Variants in CORO2B observed in about 807,000 individuals in gnomAD.
The protein encoded by CORO2B is coronin-2B.
A neutral mutation model predicts 58.8 loss-of-function variants in CORO2B; 26 were observed. The observed-to-expected ratio is 0.44, with a 90% CI of 0.32 to 0.61. CORO2B has a LOEUF of 0.61. Ranked by LOEUF, CORO2B falls within the 20% of genes least tolerant of loss-of-function variation. CORO2B has a pLI of 0.04. For missense variants in CORO2B, 460 were observed against 645.1 expected (o/e 0.71, Z 3.11); for synonymous variants, 242 against 253.8 (o/e 0.95, Z 0.44).
chr15:68,625,137 C>T (rs932319704), intron 1 of CORO2B, among the ~76,000 whole-genome samples: 4 of 152,222 alleles, frequency 2.6e-5, no homozygotes, highest in South Asian at 4.2e-4. Context: ...CCGAGCATGC[C>T]GCTGTATGCT....
At chr15:68,593,339 G>C (rs1316001776) in intron 1 of CORO2B, among the ~76,000 whole-genome samples, 1 of 152,144 alleles carries the variant, frequency 6.6e-6, no homozygotes, top group African/African-American at 2.4e-5. Flanking sequence ...TTTGAAAAAG[G>C]GGACCTGCAA....
At chr15:68,588,270 A>G (rs1348055745) in intron 1 of CORO2B, among the ~76,000 whole-genome samples, 1 of 152,200 alleles carries the variant, frequency 6.6e-6, no homozygotes, top group Non-Finnish European at 1.5e-5. Context: ...GGTGGAAGAG[A>G]AAAGTTCATC....
At chr15:68,633,450 A>G (rs1900913743) in intron 1 of CORO2B, among the ~76,000 whole-genome samples, 2 of 151,842 alleles carry the variant, frequency 1.3e-5, no homozygotes, top group Non-Finnish European at 2.9e-5. Flanking sequence ...TAGTTTCTAG[A>G]CCCTCAGCTG....
intron 11 of CORO2B, among the ~76,000 whole-genome samples, chr15:68,723,294 G>A (rs1893211109): frequency 6.7e-6 from 1 of 149,502 alleles, no homozygotes; most frequent in Non-Finnish European, 1.5e-5. Flanking sequence ...GTTAATTTTT[G>A]CATTTTTAGT....
At chr15:68,617,807 G>A (rs1361226059) in intron 1 of CORO2B, among the ~76,000 whole-genome samples, 1 of 152,166 alleles carries the variant, frequency 6.6e-6, no homozygotes, top group South Asian at 2.1e-4. Flanking sequence ...CCCAGTGGGT[G>A]GTTGTCGTCC....
chr15:68,581,700 G>A (rs773544865), intron 1 of CORO2B, among the ~76,000 whole-genome samples: 20 of 152,210 alleles, frequency 1.3e-4, no homozygotes, highest in Non-Finnish European at 2.6e-4. Context: ...TGTTCTCTGA[G>A]GGGTGGTCTG....
At chr15:68,714,331 C>G (rs902615184) in intron 6 of CORO2B, among the ~76,000 whole-genome samples, 1 of 152,186 alleles carries the variant, frequency 6.6e-6, no homozygotes, top group Non-Finnish European at 1.5e-5. Context: ...GGTTTGGGGA[C>G]AATGAGAACA....
At chr15:68,546,389 CTG>C in the CORO2B span, among the ~76,000 whole-genome samples, 1 of 152,126 alleles carries the variant, frequency 6.6e-6, no homozygotes, top group Non-Finnish European at 1.5e-5. Flanking sequence ...AAATTGAATC[CTG>C]GCTTAGCTAC....
upstream of CORO2B, among the ~76,000 whole-genome samples, chr15:68,575,104 C>T (rs1446226583): frequency 2.0e-5 from 3 of 152,200 alleles, no homozygotes; most frequent in African/African-American, 7.2e-5. Context: ...GGACTTTTTA[C>T]TTTCTGCCCC....
intron 3 of CORO2B, among the ~76,000 whole-genome samples, chr15:68,698,251 G>C (rs1042981876): frequency 9.9e-5 from 15 of 152,152 alleles, no homozygotes; most frequent in Admixed American, 4.6e-4. Flanking sequence ...TCTCCCAGTG[G>C]CTCATGTCTT....
At chr15:68,534,224 G>A in the CORO2B span, among the ~76,000 whole-genome samples, 1 of 151,174 alleles carries the variant, frequency 6.6e-6, no homozygotes, top group Non-Finnish European at 1.5e-5. Context: ...CCACCTCCTT[G>A]TGCATACACA....
intron 8 of CORO2B, among the ~76,000 whole-genome samples, chr15:68,715,601 G>T (rs1893014457): frequency 6.6e-6 from 1 of 152,246 alleles, no homozygotes; most frequent in Admixed American, 6.5e-5. Context: ...CAGTGGCTAT[G>T]ATGATGGTGG....
the CORO2B span, among the ~76,000 whole-genome samples, chr15:68,519,700 A>G: frequency 6.6e-6 from 1 of 151,880 alleles, no homozygotes; most frequent in Non-Finnish European, 1.5e-5. Context: ...CCTTCTGACT[A>G]TTTTCTTTGC....
chr15:68,725,429 T>C (rs1183051808), intron 11 of CORO2B, among the ~76,000 whole-genome samples: 1 of 151,438 alleles, frequency 6.6e-6, no homozygotes, highest in African/African-American at 2.4e-5. Flanking sequence ...ATACATGTAA[T>C]AATACATCTA....
At chr15:68,629,383 G>C (rs1224919905) in intron 1 of CORO2B, among the ~76,000 whole-genome samples, 3 of 152,226 alleles carry the variant, frequency 2.0e-5, no homozygotes, top group Admixed American at 6.5e-5. Flanking sequence ...GATTCTGTTG[G>C]AGGAAGAGGC....
chr15:68,633,775 C>T (rs1403971373), intron 1 of CORO2B, among the ~76,000 whole-genome samples: 1 of 152,222 alleles, frequency 6.6e-6, no homozygotes, highest in East Asian at 1.9e-4. Flanking sequence ...ACAACGGAGC[C>T]GGCAGATCGT....
intron 2 of CORO2B, among the ~76,000 whole-genome samples, chr15:68,666,012 A>G (rs1902177856): frequency 6.6e-6 from 1 of 152,000 alleles, no homozygotes; most frequent in Non-Finnish European, 1.5e-5. Context: ...TGCATCAGGT[A>G]TTTACCTTTT....
the CORO2B span, among the ~76,000 whole-genome samples, chr15:68,538,702 A>C: frequency 6.6e-6 from 1 of 152,180 alleles, no homozygotes; most frequent in Non-Finnish European, 1.5e-5. Flanking sequence ...GAAACTCACA[A>C]GTTTATTAAT....
intron 1 of CORO2B, among the ~76,000 whole-genome samples, chr15:68,611,780 T>C (rs1310569413): frequency 6.6e-6 from 1 of 151,790 alleles, no homozygotes; most frequent in African/African-American, 2.4e-5. Flanking sequence ...TTTTTCTTTT[T>C]TTTTTTTTTG....
Sources: gnomAD v4.1 joint callset for allele counts (sites outside exome capture counted in the v4.1 genomes callset) on GRCh38, gnomAD v4.1.1 for gene constraint, MANE v1.5 for transcripts, NCBI Gene and HGNC (gene_info 2026-07-23, HGNC 2026-07-21) for gene names.